Variants in BCAS1 observed in about 807,000 individuals in gnomAD.
The protein encoded by BCAS1 is breast carcinoma-amplified sequence 1.
BCAS1 carries 46 observed loss-of-function variants against 65.4 expected under a neutral mutation model. The ratio of observed to expected loss-of-function variants is 0.70; its 90% CI spans 0.55 to 0.90. BCAS1 has a LOEUF of 0.90. BCAS1 is among the 40% of genes least tolerant of loss of function. The pLI is 0.00. For missense variants in BCAS1, 793 were observed against 771.2 expected, an observed-to-expected ratio of 1.03 and a Z score of -0.33; for synonymous variants, 298 against 293.5, an observed-to-expected ratio of 1.02 and a Z score of -0.16.
chr20:53,967,129 A>G, intron 9 of BCAS1, 56 bp from the exon 10 acceptor site: 1 of 1,584,860 alleles, frequency 6.3e-7, no homozygotes, highest in Non-Finnish European at 8.6e-7. Context: ...CCCCCAAAAC[A>G]TGTTTTACAA....
chr20:53,966,849 T>G (rs577957868), intron 10 of BCAS1, 57 bp downstream of exon 10: 6 of 1,508,370 alleles, frequency 4.0e-6, no homozygotes, highest in Admixed American at 2.2e-5. Flanking sequence ...GAGCCCATTG[T>G]TCCCAGAAGC....
Position 54,028,540 on chromosome 20 carries a change from C to T in BCAS1, c.575G>A (p.Ser192Asn). The T allele has an allele frequency of 1.2e-6, 2 of 1,614,186 alleles. No individual in the cohort carries two copies. Among genetic ancestry groups the T allele is most frequent in the Non-Finnish European group, 1.7e-6 (2 of 1,180,026 alleles). Residue 192 changes from serine (S) to asparagine (N), a missense_variant, in exon 4 of 13, where the codon AGC becomes AAC. Coordinates refer to ENST00000688948, the MANE Select transcript of BCAS1 (RefSeq NM_001366298.2). ...GEAPSKPKDSSFFDKFFKLDK... is the reference protein window; with the variant it reads ...GEAPSKPKDSNFFDKFFKLDK... The stretch of plus-strand genomic sequence containing the variant: ...CAGCTTGAAGAATTTGTCAAAAAAG[C>T]TGGAGTCCTTGGGCTTGGAGGGAGC...
At chr20:53,960,271 T>C (rs1365805245) in intron 10 of BCAS1, among the ~76,000 whole-genome samples, 1 of 152,108 alleles carries the variant, frequency 6.6e-6, no homozygotes, top group African/African-American at 2.4e-5. Flanking sequence ...TTGTTTCAAT[T>C]TGGCATTCAT....
At chr20:53,963,545 T>C (rs1405539894) in intron 10 of BCAS1, among the ~76,000 whole-genome samples, 1 of 152,100 alleles carries the variant, frequency 6.6e-6, no homozygotes, top group African/African-American at 2.4e-5. Flanking sequence ...AATGATTTGG[T>C]GAATCAAAGC....
rs1328971445 is a variant in BCAS1, at chr20:54,030,603, C to T, written c.143-1631G>A. The stretch of plus-strand genomic sequence containing the variant: ...TAATATGTAGTGAGAAATACATACA[C>T]ACACACATACACACACATGCATCCA... On this transcript the variant is annotated intron_variant, in intron 3 of 12. Coordinates refer to ENST00000688948, the MANE Select transcript of BCAS1 (RefSeq NM_001366298.2). Among the ~76,000 whole-genome samples the T allele has an allele frequency of 2.8e-5, 4 of 141,552 alleles. No individual in the cohort carries two copies. In the South Asian group the frequency reaches 6.5e-4, roughly 23 times the overall value. 92.9% of individuals were successfully genotyped at this position (141,552 alleles called of 152,430 possible).
rs779797312 is a variant in BCAS1 at position 53,985,297 on chromosome 20, A to C, written c.1265T>G (p.Phe422Cys). 1.9e-6 allele frequency: 3 copies of C among 1,613,186 alleles called. No individual in the cohort carries two copies. The highest frequency in any genetic ancestry group is 4.5e-5 in the East Asian group (2 of 44,876). Residue 422 changes from phenylalanine to cysteine, a missense_variant, in exon 8 of 13, where the codon TTT (phenylalanine) becomes TGT (cysteine). Transcript: ENST00000688948. ...GAAAATCAGACTTACCTTTTTCCAA[A>C]ACAGTTTGCCCAGAGGCAGAGAGGT... ...GPTSLPLGKL[F>C]WKKSVKEDSV...
At chr20:53,987,295 A>G (rs2090638809) in intron 7 of BCAS1, among the ~76,000 whole-genome samples, 1 of 152,254 alleles carries the variant, frequency 6.6e-6, no homozygotes, top group African/African-American at 2.4e-5. Flanking sequence ...AGTTCCATTT[A>G]AAAGTATACA....
chr20:53,985,262 T>C, intron 8 of BCAS1, 25 bp downstream of exon 8: 3 of 1,607,694 alleles, frequency 1.9e-6, no homozygotes, highest in Middle Eastern at 2.2e-4. Context: ...CGGACGACTC[T>C]CTAACGCTTG....
chr20:53,966,367 T>C (rs2090025903), intron 10 of BCAS1, among the ~76,000 whole-genome samples: 1 of 152,236 alleles, frequency 6.6e-6, no homozygotes, highest in Non-Finnish European at 1.5e-5. Flanking sequence ...CTAAGTGAAG[T>C]AACTCAGGAA....
At chr20:53,949,051 A>T (rs2089428090) in intron 12 of BCAS1, among the ~76,000 whole-genome samples, 1 of 152,090 alleles carries the variant, frequency 6.6e-6, no homozygotes, top group Non-Finnish European at 1.5e-5. Flanking sequence ...ACAATCTAGC[A>T]CTTCAGGGGC....
intron 4 of BCAS1, among the ~76,000 whole-genome samples, chr20:54,005,956 A>G (rs185878491): frequency 6.6e-6 from 1 of 152,304 alleles, no homozygotes; most frequent in African/African-American, 2.4e-5. Context: ...CAAGATGGTT[A>G]TAACAATAAT....
intron 4 of BCAS1, among the ~76,000 whole-genome samples, chr20:54,003,257 T>A (rs6013869): frequency 6.3e-5 from 9 of 142,088 alleles, no homozygotes; most frequent in African/African-American, 1.1e-4. Flanking sequence ...GCAATGAAAA[T>A]GCCATACAAT....
intron 3 of BCAS1, among the ~76,000 whole-genome samples, chr20:54,051,032 T>C (rs190732518): frequency 4.0e-4 from 61 of 152,304 alleles, no homozygotes; most frequent in African/African-American, 1.3e-3. Flanking sequence ...CTTCTCTTTT[T>C]AGCTTTTGAG....
intron 4 of BCAS1, among the ~76,000 whole-genome samples, chr20:54,023,049 G>C (rs997219852): frequency 2.0e-5 from 3 of 152,222 alleles, no homozygotes; most frequent in African/African-American, 4.8e-5. Flanking sequence ...AGTTGAAAAG[G>C]CATGGCCTTG....
chr20:54,062,927 G>A (rs1432139784), intron 1 of BCAS1, among the ~76,000 whole-genome samples: 1 of 152,210 alleles, frequency 6.6e-6, no homozygotes, highest in Non-Finnish European at 1.5e-5. Flanking sequence ...AAAAGCAAAA[G>A]GTTACTGCCA....
chr20:53,967,004 G>A lies in BCAS1; in HGVS notation c.1387C>T (p.Leu463Phe). The A allele has an allele frequency of 6.2e-7, 1 of 1,613,108 alleles. No individual in the cohort carries two copies. Among genetic ancestry groups the A allele is most frequent in the East Asian group, 2.2e-5 (1 of 44,822 alleles). The change falls in exon 10 of 13, where the codon CTC becomes TTC. Residue 463 changes from leucine to phenylalanine, a missense_variant. Leu to Phe is a conservative substitution (Grantham distance 22). Transcript: ENST00000688948. Reference protein sequence around the residue: ...EVESALQTVDLNEGDAAPEPT... With the variant: ...EVESALQTVDFNEGDAAPEPT... ...TCAGGTGCAGCATCTCCTTCGTTGA[G>A]GTCCACTGTTTGTAAGGCTGATTCT...
At chr20:53,997,698 C>T (rs2090953372) in intron 4 of BCAS1, among the ~76,000 whole-genome samples, 1 of 152,144 alleles carries the variant, frequency 6.6e-6, no homozygotes, top group South Asian at 2.1e-4. Context: ...AGAGGTCCTG[C>T]AGGTACATCG....
chr20:54,044,488 A>G (rs2092059932), intron 3 of BCAS1, among the ~76,000 whole-genome samples: 1 of 152,234 alleles, frequency 6.6e-6, no homozygotes, highest in Admixed American at 6.5e-5. Flanking sequence ...AGTACAAAAA[A>G]GTCCTTAAAA....
At chr20:54,040,946 T>C (rs1258806240) in intron 3 of BCAS1, among the ~76,000 whole-genome samples, 3 of 151,198 alleles carry the variant, frequency 2.0e-5, no homozygotes, top group Non-Finnish European at 3.0e-5. Flanking sequence ...TATCCATCAA[T>C]TGGAAAAAGG....
Sources: allele counts gnomAD v4.1 joint callset (sites outside exome capture counted in the v4.1 genomes callset), GRCh38; gene constraint gnomAD v4.1.1; transcripts MANE v1.5; gene names NCBI Gene and HGNC (gene_info 2026-07-23, HGNC 2026-07-21).